The following SCCPDH variants were observed in gnomAD, a reference collection of about 807,000 sequenced individuals.
The protein encoded by SCCPDH is saccharopine dehydrogenase-like oxidoreductase.
SCCPDH carries 34 observed loss-of-function variants against 51.5 expected under a neutral mutation model. That is an observed-to-expected ratio of 0.66 (90% CI 0.50 to 0.88). The LOEUF (loss-of-function observed/expected upper bound fraction) is 0.88. Among genes scored for constraint, SCCPDH ranks in the 40% least tolerant of loss-of-function variants. SCCPDH has a pLI of 0.00. For synonymous variants in SCCPDH, 187 were observed against 191.3 expected (o/e 0.98, Z 0.19); for missense variants, 464 against 527.1 (o/e 0.88, Z 1.17).
rs373141162 is a variant in SCCPDH, at chr1:246,740,865, G to A, written c.514+564G>A. ...GGAGGTTGAGGCAGCAGGATCTCTC[G>A]AGGCCAAGAGTTCAGGACCAGCCTG... is the stretch of plus-strand genomic sequence containing the variant. On this transcript the variant is annotated intron_variant, in intron 4 of 11. Transcript: ENST00000366510. 9.2e-5 allele frequency among the ~76,000 whole-genome samples: 14 copies of A among 152,170 alleles called. No individual in the cohort carries two copies. The South Asian group carries it at 2.1e-3, about 23-fold the overall frequency.
At chr1:246,737,495 C>T (rs1431012383) in intron 3 of SCCPDH, among the ~76,000 whole-genome samples, 1 of 151,718 alleles carries the variant, frequency 6.6e-6, no homozygotes, top group East Asian at 1.9e-4. Flanking sequence ...AAAACAAAAA[C>T]AAAAAACAAT....
intron 1 of SCCPDH, among the ~76,000 whole-genome samples, chr1:246,725,068 G>A (rs975633017): frequency 2.0e-5 from 3 of 152,168 alleles, no homozygotes; most frequent in African/African-American, 7.2e-5. Flanking sequence ...TTGAGGACGG[G>A]AGAGCAAGCT....
intron 3 of SCCPDH, 72 bp downstream of exon 3, chr1:246,736,127 T>C: frequency 3.0e-6 from 3 of 1,006,962 alleles, no homozygotes; most frequent in Non-Finnish European, 4.6e-6. Flanking sequence ...AAATATTTAG[T>C]GTAATTTTGC....
intron 3 of SCCPDH, among the ~76,000 whole-genome samples, chr1:246,739,020 T>C (rs1016129935): frequency 3.3e-5 from 5 of 152,114 alleles, no homozygotes; most frequent in African/African-American, 4.8e-5. Context: ...TGTGACTTAA[T>C]GTGTTTGTGT....
chr1:246,742,811 T>C (rs1252537939), intron 4 of SCCPDH, among the ~76,000 whole-genome samples: 1 of 152,230 alleles, frequency 6.6e-6, no homozygotes. Context: ...CAGCCCATTA[T>C]ATTTTTCTTT....
At chr1:246,747,187 T>C (rs1325258240) in intron 5 of SCCPDH, among the ~76,000 whole-genome samples, 2 of 152,232 alleles carry the variant, frequency 1.3e-5, no homozygotes, top group East Asian at 3.8e-4. Flanking sequence ...TGCTTTTCTT[T>C]ATGTAGGCTC....
intron 5 of SCCPDH, among the ~76,000 whole-genome samples, chr1:246,753,963 C>G (rs897203476): frequency 1.3e-5 from 2 of 151,854 alleles, no homozygotes; most frequent in African/African-American, 4.8e-5. Flanking sequence ...AACATGAGAC[C>G]TAGGGGGCAC....
Position 246,724,444 on chromosome 1 carries a change from T to A in SCCPDH, c.22T>A (p.Phe8Ile). Residue 8 changes from phenylalanine (F) to isoleucine (I), a missense_variant, in exon 1 of 12, where the codon TTC becomes ATC. By Grantham distance (21) the Phe-to-Ile change is conservative. Coordinates refer to ENST00000366510, the MANE Select transcript of SCCPDH (RefSeq NM_016002.3). Reference sequence around the variant, plus strand: ...CGTCATGGCGACCGAGCAGAGGCCTTTCCACCTGGTGGTGTTCGGCGCGTC... The same window carrying A: ...CGTCATGGCGACCGAGCAGAGGCCTATCCACCTGGTGGTGTTCGGCGCGTC... MATEQRP[F>I]HLVVFGASGF... 1 of 1,585,832 alleles carries A rather than the reference T, an allele frequency of 6.3e-7. No homozygotes were observed. Among genetic ancestry groups the A allele is most frequent in the Non-Finnish European group, 8.6e-7 (1 of 1,169,018 alleles).
intron 2 of SCCPDH, among the ~76,000 whole-genome samples, chr1:246,729,954 A>T (rs1668467790): frequency 6.6e-6 from 1 of 152,136 alleles, no homozygotes; most frequent in Non-Finnish European, 1.5e-5. Flanking sequence ...CTTTATGTTT[A>T]CAATTACACA....
chr1:246,743,996 A>T, intron 4 of SCCPDH, 80 bp from the exon 5 acceptor site: 1 of 791,984 alleles, frequency 1.3e-6, no homozygotes, highest in South Asian at 1.6e-5. Flanking sequence ...CTAAGTGAAT[A>T]CGCATTGTTT....
chr1:246,761,616 T>C (rs930151284), intron 9 of SCCPDH, among the ~76,000 whole-genome samples: 2 of 152,248 alleles, frequency 1.3e-5, no homozygotes, highest in African/African-American at 4.8e-5. Flanking sequence ...ATGAATTTGA[T>C]GACTCCAAGT....
chr1:246,757,645 G>A (rs1403417048), intron 5 of SCCPDH, among the ~76,000 whole-genome samples: 2 of 152,170 alleles, frequency 1.3e-5, no homozygotes, highest in Non-Finnish European at 2.9e-5. Flanking sequence ...ATCATTATTA[G>A]TGAACTTTAA....
chr1:246,754,987 G>C (rs1668909560), intron 5 of SCCPDH, among the ~76,000 whole-genome samples: 1 of 152,092 alleles, frequency 6.6e-6, no homozygotes, highest in African/African-American at 2.4e-5. Flanking sequence ...AAAATCAGCT[G>C]TATTTCTGTA....
At chr1:246,737,680 C>T (rs1196656485) in intron 3 of SCCPDH, among the ~76,000 whole-genome samples, 1 of 151,962 alleles carries the variant, frequency 6.6e-6, no homozygotes, top group Non-Finnish European at 1.5e-5. Context: ...TAACCTCTGC[C>T]ACCTGGGTTC....
chr1:246,748,378 GTCTT>G (rs1487735746), intron 5 of SCCPDH, among the ~76,000 whole-genome samples: 4 of 152,234 alleles, frequency 2.6e-5, no homozygotes, highest in Non-Finnish European at 5.9e-5. Context: ...AAAGCGGTAA[GTCTT>G]TGTAAGGCGC....
chr1:246,726,140 A>G (rs1318523790), intron 1 of SCCPDH, among the ~76,000 whole-genome samples: 3 of 152,338 alleles, frequency 2.0e-5, no homozygotes, highest in African/African-American at 7.2e-5. Context: ...TACAGGCGTG[A>G]GCCACTGCAC....
rs762723026 is a variant in SCCPDH at position 246,740,127 on chromosome 1, A to G, written c.385-45A>G. 14 of 1,470,960 alleles carry G rather than the reference A, an allele frequency of 9.5e-6. No homozygotes were observed. In the African/African-American group the frequency reaches 1.7e-4, roughly 18 times the overall value. 91.1% of individuals were successfully genotyped at this position (1,470,960 alleles called of 1,614,324 possible). On this transcript the variant is annotated intron_variant, in intron 3 of 11. Transcript: ENST00000366510. Reference sequence around the variant, plus strand: ...GATAAATTATTTAATACTGGTCTACATCTTTCTGCATAACTAATTAAAATT... The same window carrying G: ...GATAAATTATTTAATACTGGTCTACGTCTTTCTGCATAACTAATTAAAATT...
At chr1:246,741,244 GCA>G (rs1305603104) in intron 4 of SCCPDH, among the ~76,000 whole-genome samples, 1 of 151,760 alleles carries the variant, frequency 6.6e-6, no homozygotes, top group African/African-American at 2.4e-5. Context: ...AACAAAGATA[GCA>G]CACACACACA....
intron 4 of SCCPDH, among the ~76,000 whole-genome samples, chr1:246,743,498 G>A (rs536881284): frequency 6.6e-5 from 10 of 151,830 alleles, no homozygotes; most frequent in South Asian, 2.1e-4. Context: ...CATGAGAATC[G>A]CTTGATCCCA....
Sources: allele counts gnomAD v4.1 joint callset (sites outside exome capture counted in the v4.1 genomes callset), GRCh38; gene constraint gnomAD v4.1.1; transcripts MANE v1.5; gene names NCBI Gene and HGNC (gene_info 2026-07-23, HGNC 2026-07-21).